TENM3: variants seen among roughly 807,000 people sequenced by gnomAD.
TENM3 encodes teneurin-3.
A neutral mutation model predicts 255.1 loss-of-function variants in TENM3; 63 were observed. That is an observed-to-expected ratio of 0.25 (90% confidence interval 0.20 to 0.30). The LOEUF is 0.30. Ranked by LOEUF, TENM3 falls within the 10% of genes least tolerant of loss-of-function variation. The pLI is 1.00. For missense variants in TENM3, 2,929 were observed against 3,461.1 expected, an observed-to-expected ratio of 0.85 and a Z score of 3.86; for synonymous variants, 1,306 against 1,322.3, an observed-to-expected ratio of 0.99 and a Z score of 0.27.
chr4:181,565,885 G>A, the TENM3 span, among the ~76,000 whole-genome samples: 3 of 152,164 alleles, frequency 2.0e-5, no homozygotes, highest in Non-Finnish European at 4.4e-5. Flanking sequence ...ATAAAGTTTA[G>A]ACAGGTCCAG....
At chr4:181,751,320 CA>C in the TENM3 span, among the ~76,000 whole-genome samples, 2 of 149,498 alleles carry the variant, frequency 1.3e-5, no homozygotes, top group African/African-American at 4.9e-5. Flanking sequence ...TTTGGAAGCC[CA>C]AACTATTTCC....
At chr4:181,604,207 G>A in the TENM3 span, among the ~76,000 whole-genome samples, 1 of 152,204 alleles carries the variant, frequency 6.6e-6, no homozygotes, top group Non-Finnish European at 1.5e-5. Context: ...GGAGCTTGCA[G>A]TGAGCCGAGA....
At chr4:181,579,852 A>C in the TENM3 span, among the ~76,000 whole-genome samples, 6 of 152,178 alleles carry the variant, frequency 3.9e-5, no homozygotes, top group Non-Finnish European at 7.4e-5. Context: ...AAACCTACCC[A>C]CCTGGGCTAA....
At chr4:182,093,820 A>G in the TENM3 span, among the ~76,000 whole-genome samples, 1 of 152,248 alleles carries the variant, frequency 6.6e-6, no homozygotes, top group Admixed American at 6.5e-5. Context: ...CTGTAGACAC[A>G]ATGTCAGGGG....
chr4:181,602,429 G>A, the TENM3 span, among the ~76,000 whole-genome samples: 2 of 152,032 alleles, frequency 1.3e-5, no homozygotes, highest in Admixed American at 1.3e-4. Flanking sequence ...GTTAGTATTC[G>A]GTATTGCAAA....
intron 2 of TENM3, among the ~76,000 whole-genome samples, chr4:182,335,489 C>T (rs1291409304): frequency 6.3e-4 from 43 of 68,330 alleles, no homozygotes; most frequent in Non-Finnish European, 1.1e-3. Context: ...AGCGAGACTC[C>T]GCCTCAAAAA....
At chr4:182,638,335 A>G (rs1752016673) in intron 5 of TENM3, among the ~76,000 whole-genome samples, 1 of 152,200 alleles carries the variant, frequency 6.6e-6, no homozygotes, top group South Asian at 2.1e-4. Context: ...TGAAGAAATT[A>G]AAAACATACA....
chr4:182,247,186 T>C (rs1329880599), intron 1 of TENM3, among the ~76,000 whole-genome samples: 1 of 152,218 alleles, frequency 6.6e-6, no homozygotes, highest in East Asian at 1.9e-4. Flanking sequence ...TTTCTCTGTG[T>C]GCTGATCAGT....
At chr4:182,289,505 A>G (rs1054522683) in intron 1 of TENM3, among the ~76,000 whole-genome samples, 1 of 152,198 alleles carries the variant, frequency 6.6e-6, no homozygotes. Context: ...ACATGCCCCA[A>G]CGTAGCAGCC....
the TENM3 span, among the ~76,000 whole-genome samples, chr4:182,066,857 G>A: frequency 6.6e-6 from 1 of 152,110 alleles, no homozygotes; most frequent in Non-Finnish European, 1.5e-5. Context: ...CTTGCAGTGA[G>A]CCGAGATCGC....
chr4:182,586,700 A>G (rs931756380), intron 3 of TENM3, among the ~76,000 whole-genome samples: 4 of 152,210 alleles, frequency 2.6e-5, no homozygotes, highest in African/African-American at 7.2e-5. Flanking sequence ...TTGCATCTAC[A>G]TATTTCATGT....
the TENM3 span, among the ~76,000 whole-genome samples, chr4:181,605,581 A>AGAG: frequency 2.7e-4 from 9 of 33,802 alleles, 2 homozygotes; most frequent in East Asian, 1.1e-3. Flanking sequence ...AGAGAGAAAG[A>AGAG]AAGGAAAGAA....
At chr4:181,467,148 T>TTTTTTTTGGG in the TENM3 span, among the ~76,000 whole-genome samples, 1 of 109,198 alleles carries the variant, frequency 9.2e-6, no homozygotes, top group African/African-American at 3.8e-5. Context: ...TTTTTTTTTT[T>TTTTTTTTGGG]AGGCAGAGTC....
In TENM3 at chr4:182,600,983, C is replaced by G; in HGVS notation, c.571C>G (p.Gln191Glu). 6.2e-7 allele frequency: 1 copy of G among 1,605,240 alleles called. No individual in the cohort carries two copies. The highest frequency in any genetic ancestry group is 8.5e-7 in the Non-Finnish European group (1 of 1,177,730). ...TLQPLPPSHK[Q>E]HSAQHHPSIT... The stretch of plus-strand genomic sequence containing the variant: ...GCAGCCCTTGCCGCCTTCCCATAAG[C>G]AGCACTCTGCACAGCATCATCCATC... Residue 191 changes from glutamine to glutamate, a missense_variant, in exon 4 of 28, where the codon CAG becomes GAG. Coordinates refer to ENST00000511685, the MANE Select transcript of TENM3 (RefSeq NM_001080477.4).
At chr4:182,173,870 G>A (rs1392996354) in intron 1 of TENM3, among the ~76,000 whole-genome samples, 1 of 152,094 alleles carries the variant, frequency 6.6e-6, no homozygotes, top group Non-Finnish European at 1.5e-5. Flanking sequence ...AATTTTTCTT[G>A]TATGTAAGTT....
chr4:181,658,638 G>A, the TENM3 span, among the ~76,000 whole-genome samples: 4 of 152,282 alleles, frequency 2.6e-5, no homozygotes, highest in South Asian at 2.1e-4. Context: ...TCTAGCTTCC[G>A]TAGCACGATG....
chr4:182,055,852 A>T, the TENM3 span, among the ~76,000 whole-genome samples: 1 of 152,186 alleles, frequency 6.6e-6, no homozygotes, highest in African/African-American at 2.4e-5. Flanking sequence ...TCATATAAAT[A>T]TGATTAATGA....
the TENM3 span, among the ~76,000 whole-genome samples, chr4:181,648,368 T>C: frequency 1.5e-4 from 23 of 152,258 alleles, no homozygotes; most frequent in African/African-American, 5.1e-4. Flanking sequence ...TCTGAGCCAC[T>C]AAACTGACTC....
At chr4:181,525,842 C>A in the TENM3 span, among the ~76,000 whole-genome samples, 5 of 152,140 alleles carry the variant, frequency 3.3e-5, no homozygotes, top group African/African-American at 9.7e-5. Flanking sequence ...AAACTTTGCA[C>A]GCGCTACTTC....
Sources: gnomAD v4.1 joint callset for allele counts (sites outside exome capture counted in the v4.1 genomes callset) on GRCh38, gnomAD v4.1.1 for gene constraint, MANE v1.5 for transcripts, NCBI Gene and HGNC (gene_info 2026-07-23, HGNC 2026-07-21) for gene names.